Variants in PLEK2 observed in about 807,000 individuals in gnomAD.
PLEK2 encodes the protein pleckstrin 2.
PLEK2 carries 29 observed loss-of-function variants against 43.8 expected under a neutral mutation model. The ratio of observed to expected loss-of-function variants is 0.66; its 90% CI spans 0.49 to 0.90. The LOEUF is 0.90. Among genes scored for constraint, PLEK2 ranks in the 40% least tolerant of loss-of-function variants. PLEK2 has a pLI of 0.00. For missense variants in PLEK2, 398 were observed against 448.1 expected (o/e 0.89, Z 1.01); for synonymous variants, 162 against 173.2 (o/e 0.94, Z 0.51).
At position 67,387,250 on chromosome 14, in the gene PLEK2, C is replaced by G. The variant is rs938526345; in HGVS notation, c.*79G>C. On this transcript the variant is annotated 3_prime_UTR_variant, in exon 9 of 9. Transcript: ENST00000216446. ...CAAAACTTACAAAGAAGTCAAAAGT[C>G]TTAACACTCCCATTCTCCAGGAACT... 8 of 1,425,958 alleles carry G rather than the reference C, an allele frequency of 5.6e-6. No individual in the cohort carries two copies. Among genetic ancestry groups the G allele is most frequent in the Non-Finnish European group, 5.7e-6 (6 of 1,048,050 alleles). The allele number at this position is 1,425,958 out of a possible 1,614,324, so 88.3% of individuals were successfully genotyped here.
intron 8 of PLEK2, among the ~76,000 whole-genome samples, 156 bp from the exon 9 acceptor site, chr14:67,387,612 G>A (rs1340667440): frequency 6.6e-6 from 1 of 152,166 alleles, no homozygotes; most frequent in East Asian, 1.9e-4. Context: ...ATCAGATGAG[G>A]TCCCCTTTTC....
In PLEK2 at chr14:67,395,533, G is replaced by A. The variant is rs764420677; in HGVS notation, c.258C>T (p.Ala86=). ...TQTSTEYFLE[A]CSREERDAWA... ...AGGCATCCCGCTCCTCTCGAGAACA[G>A]GCCTCCAGGAAGTACTCCGTGGATG... The change falls in exon 3 of 9, where the codon GCC becomes GCT. Residue 86 remains alanine (A), a synonymous_variant. Transcript: ENST00000216446. The A allele has an allele frequency of 1.9e-5, 31 of 1,614,162 alleles. No individual in the cohort carries two copies. Among genetic ancestry groups the A allele is most frequent in the Non-Finnish European group, 2.5e-5 (30 of 1,179,988 alleles).
intron 1 of PLEK2, among the ~76,000 whole-genome samples, chr14:67,409,758 C>T (rs967587914): frequency 4.6e-5 from 7 of 152,200 alleles, no homozygotes; most frequent in African/African-American, 1.4e-4. Context: ...CGGCTTCCAA[C>T]GCAGGCCCTG....
intron 3 of PLEK2, among the ~76,000 whole-genome samples, 177 bp downstream of exon 3, chr14:67,395,225 C>T (rs985398506): frequency 5.9e-5 from 9 of 152,236 alleles, no homozygotes; most frequent in African/African-American, 2.2e-4. Context: ...GGTAGGGCCA[C>T]TCCCAAGCAG....
chr14:67,395,607 G>A (rs2086002548), intron 2 of PLEK2, 24 bp from the exon 3 acceptor site: 1 of 1,610,854 alleles, frequency 6.2e-7, no homozygotes, highest in African/African-American at 1.3e-5. Flanking sequence ...GAGCCAGTCA[G>A]GCCAGCACTC....
chr14:67,395,656 G>A (rs2086003150), intron 2 of PLEK2, 73 bp from the exon 3 acceptor site: 3 of 1,317,982 alleles, frequency 2.3e-6, no homozygotes, highest in Admixed American at 3.7e-5. Flanking sequence ...AAAATGACGG[G>A]GCCCCGGGAG....
intron 1 of PLEK2, among the ~76,000 whole-genome samples, chr14:67,407,056 G>A (rs1364903709): frequency 1.3e-5 from 2 of 152,162 alleles, no homozygotes; most frequent in Non-Finnish European, 2.9e-5. Context: ...CCTCAGGGAT[G>A]GGCTTATGAG....
intron 2 of PLEK2, 102 bp from the exon 3 acceptor site, chr14:67,395,685 T>G: frequency 1.2e-6 from 1 of 846,410 alleles, no homozygotes. Flanking sequence ...TGACAGTGAC[T>G]GCCAAATGCC....
intron 6 of PLEK2, among the ~76,000 whole-genome samples, chr14:67,391,152 T>C (rs1357273782): frequency 6.6e-6 from 1 of 152,100 alleles, no homozygotes; most frequent in Non-Finnish European, 1.5e-5. Flanking sequence ...GCTACATGTA[T>C]ATTTGTCAGT....
At chr14:67,398,427 A>G (rs2139866915) in intron 1 of PLEK2, among the ~76,000 whole-genome samples, 1 of 152,182 alleles carries the variant, frequency 6.6e-6, no homozygotes, top group South Asian at 2.1e-4. Flanking sequence ...TCACCTGACT[A>G]TTCTGCCCAT....
At chr14:67,392,589 C>A (rs2085977309) in intron 5 of PLEK2, 73 bp downstream of exon 5, 3 of 1,409,978 alleles carry the variant, frequency 2.1e-6, no homozygotes, top group Non-Finnish European at 3.0e-6. Flanking sequence ...GACTGTGGCC[C>A]CCAGGCCCCC....
At chr14:67,401,338 A>G (rs1369925277) in intron 1 of PLEK2, among the ~76,000 whole-genome samples, 2 of 151,914 alleles carry the variant, frequency 1.3e-5, no homozygotes, top group Middle Eastern at 3.2e-3. Context: ...AAAAATAAAT[A>G]AATAAATAAA....
intron 3 of PLEK2, 122 bp downstream of exon 3, chr14:67,395,280 C>A: frequency 1.3e-6 from 1 of 789,208 alleles, no homozygotes; most frequent in Non-Finnish European, 2.0e-6. Flanking sequence ...GGCCCTGAAG[C>A]ACCGTGGTGG....
chr14:67,397,695 G>GA lies in PLEK2; in HGVS notation c.173dup (p.Thr59HisfsTer8). ...TTTCATACTCCAGGCAGGGGCAGGT[G>GA]ATGGTGCAGCCATCCAGGAGGATCC... On this transcript the variant is annotated frameshift_variant, in exon 2 of 9. Transcript: ENST00000216446. LOFTEE classifies it high-confidence loss of function. 1 of 1,613,356 alleles carries GA rather than the reference G, an allele frequency of 6.2e-7. No homozygotes were observed. Among genetic ancestry groups the GA allele is most frequent in the Non-Finnish European group, 8.5e-7 (1 of 1,179,642 alleles).
intron 7 of PLEK2, among the ~76,000 whole-genome samples, chr14:67,389,490 AATTCTTTT>A (rs1566622309): frequency 6.6e-6 from 1 of 152,132 alleles, no homozygotes; most frequent in Non-Finnish European, 1.5e-5. Flanking sequence ...GAGATTTGGC[AATTCTTTT>A]ATTTCCTTTG....
At chr14:67,397,602 G>C (rs2086019575) in intron 2 of PLEK2, 60 bp downstream of exon 2, 3 of 1,429,334 alleles carry the variant, frequency 2.1e-6, no homozygotes, top group Non-Finnish European at 2.9e-6. Flanking sequence ...TTCCCAAAGA[G>C]GCCAGAGGTG....
At chr14:67,402,631 G>A (rs2086056351) in intron 1 of PLEK2, among the ~76,000 whole-genome samples, 1 of 152,070 alleles carries the variant, frequency 6.6e-6, no homozygotes, top group African/African-American at 2.4e-5. Context: ...CTAAGTCCAT[G>A]AGTTGTTTTG....
chr14:67,396,578 C>CT (rs2086011164), intron 2 of PLEK2, among the ~76,000 whole-genome samples: 1 of 91,196 alleles, frequency 1.1e-5, no homozygotes, highest in Admixed American at 1.3e-4. Context: ...ACTGGAGGCC[C>CT]TTCTCCCCAG....
rs1426385522 is a variant in PLEK2, at chr14:67,387,110, C to T, written c.*219G>A. On this transcript the variant is annotated 3_prime_UTR_variant, in exon 9 of 9. Transcript: ENST00000216446. ...CTGGGGAAAAGTCAAGATGCTGACG[C>T]CTAATGGCTGTTCTAGCCTTTCCAG... 1 of 402,562 alleles carries T rather than the reference C, an allele frequency of 2.5e-6. No individual in the cohort carries two copies. The highest frequency in any genetic ancestry group is 2.1e-5 in the African/African-American group (1 of 47,022). The allele number at this position is 402,562 out of a possible 1,614,324, so 24.9% of individuals were successfully genotyped here.
Sources: allele counts gnomAD v4.1 joint callset (sites outside exome capture counted in the v4.1 genomes callset), GRCh38; gene constraint gnomAD v4.1.1; transcripts MANE v1.5; gene names NCBI Gene and HGNC (gene_info 2026-07-23, HGNC 2026-07-21).